SCMH1: variants seen among roughly 807,000 people sequenced by gnomAD.
The protein encoded by SCMH1 is polycomb protein SCMH1.
SCMH1 carries 37 observed loss-of-function variants against 70.8 expected under a neutral mutation model. The ratio of observed to expected loss-of-function variants is 0.52; its 90% CI spans 0.40 to 0.69. The LOEUF (loss-of-function observed/expected upper bound fraction) is 0.69. SCMH1 is among the 30% of genes least tolerant of loss of function. The probability of loss-of-function intolerance (pLI) is 0.00; values close to 1 mark genes in which losing one functional copy is unlikely to be tolerated. For synonymous variants in SCMH1, 292 were observed against 307.4 expected (o/e 0.95, Z 0.52); for missense variants, 607 against 827.3 (o/e 0.73, Z 3.27).
intron 6 of SCMH1, among the ~76,000 whole-genome samples, chr1:41,126,184 C>A (rs530848879): frequency 2.0e-5 from 3 of 152,178 alleles, no homozygotes; most frequent in South Asian, 4.2e-4. Flanking sequence ...ATGCCAAAAC[C>A]ACAAACATTA....
At chr1:41,085,357 T>C (rs1311264507) in intron 8 of SCMH1, among the ~76,000 whole-genome samples, 1 of 152,078 alleles carries the variant, frequency 6.6e-6, no homozygotes, top group Non-Finnish European at 1.5e-5. Context: ...ATATAAATAG[T>C]TTGCTATGTG....
At chr1:41,176,363 G>A (rs1265816211) in intron 2 of SCMH1, among the ~76,000 whole-genome samples, 1 of 152,160 alleles carries the variant, frequency 6.6e-6, no homozygotes, top group Non-Finnish European at 1.5e-5. Context: ...TCCAACTGAG[G>A]TACCGGGTTC....
chr1:41,045,484 C>T (rs546221639), intron 12 of SCMH1, among the ~76,000 whole-genome samples: 9 of 152,080 alleles, frequency 5.9e-5, no homozygotes, highest in Admixed American at 1.3e-4. Context: ...GTGCTTTTAT[C>T]GGAGGTGATT....
At chr1:41,048,454 G>A (rs1249960856) in intron 11 of SCMH1, among the ~76,000 whole-genome samples, 2 of 152,144 alleles carry the variant, frequency 1.3e-5, no homozygotes, top group Non-Finnish European at 2.9e-5. Context: ...TCAGGTAGAT[G>A]GGGGGAATCA....
In SCMH1 at chr1:41,156,136, C is replaced by T. The variant is rs1036661472; in HGVS notation, c.107-4452G>A. Among the ~76,000 whole-genome samples, 7 of 152,158 alleles carry T rather than the reference C, an allele frequency of 4.6e-5. No individual in the cohort carries two copies. In the East Asian group the frequency reaches 1.2e-3, roughly 25 times the overall value. On this transcript the variant is annotated intron_variant, in intron 4 of 14. Transcript: ENST00000337495. Reference sequence around the variant, plus strand: ...ACCGCTCTTTATAGTCAGCCAACATCTGCCTTCTAACCTCTACTGGTCCTA... The same window carrying T: ...ACCGCTCTTTATAGTCAGCCAACATTTGCCTTCTAACCTCTACTGGTCCTA...
intron 1 of SCMH1, among the ~76,000 whole-genome samples, chr1:41,214,331 G>T (rs1355557001): frequency 3.9e-5 from 6 of 151,992 alleles, no homozygotes; most frequent in African/African-American, 7.2e-5. Flanking sequence ...AATATACTTT[G>T]CAAAATATAA....
At chr1:41,039,301 G>A (rs904930499) in intron 12 of SCMH1, among the ~76,000 whole-genome samples, 4 of 152,134 alleles carry the variant, frequency 2.6e-5, no homozygotes, top group Admixed American at 6.5e-5. Flanking sequence ...ACACTGAGAC[G>A]TAGATTCTGA....
At chr1:41,133,944 T>A (rs1642819158) in intron 6 of SCMH1, among the ~76,000 whole-genome samples, 1 of 152,202 alleles carries the variant, frequency 6.6e-6, no homozygotes, top group Non-Finnish European at 1.5e-5. Flanking sequence ...GAGGCCAGCA[T>A]CACCCTTATA....
intron 6 of SCMH1, among the ~76,000 whole-genome samples, chr1:41,136,034 C>T (rs1172673974): frequency 6.6e-6 from 1 of 151,788 alleles, no homozygotes; most frequent in Non-Finnish European, 1.5e-5. Context: ...ATCTCCACAT[C>T]CCAGGCTCAA....
intron 8 of SCMH1, among the ~76,000 whole-genome samples, chr1:41,076,697 G>A (rs140850747): frequency 1.8e-4 from 28 of 152,326 alleles, no homozygotes; most frequent in Middle Eastern, 3.4e-3. Flanking sequence ...ATGAAGATGT[G>A]AGAGGGTATA....
chr1:41,061,463 C>A (rs1652617141), intron 10 of SCMH1, among the ~76,000 whole-genome samples: 1 of 151,970 alleles, frequency 6.6e-6, no homozygotes, highest in African/African-American at 2.4e-5. Context: ...GAGTTCAGAG[C>A]AAGGAAAATT....
At chr1:41,057,936 C>T (rs1010406592) in intron 10 of SCMH1, among the ~76,000 whole-genome samples, 3 of 151,894 alleles carry the variant, frequency 2.0e-5, no homozygotes, top group Admixed American at 6.6e-5. Context: ...GCCTGGGCAA[C>T]ATGGCAAAAC....
intron 5 of SCMH1, among the ~76,000 whole-genome samples, chr1:41,149,864 G>GT (rs1644907903): frequency 6.6e-6 from 1 of 152,156 alleles, no homozygotes; most frequent in Admixed American, 6.5e-5. Flanking sequence ...CTTTCAGATA[G>GT]TTTTTTCCTT....
chr1:41,066,923 T>A (rs1308430935), intron 10 of SCMH1, among the ~76,000 whole-genome samples: 2 of 152,176 alleles, frequency 1.3e-5, no homozygotes, highest in Non-Finnish European at 2.9e-5. Flanking sequence ...TTTGGTTTCT[T>A]GCAAAACAAA....
intron 12 of SCMH1, among the ~76,000 whole-genome samples, chr1:41,038,632 G>A (rs1201261369): frequency 1.3e-5 from 2 of 152,066 alleles, no homozygotes; most frequent in Non-Finnish European, 2.9e-5. Context: ...GTAAAATCTA[G>A]GATTAGACAG....
intron 2 of SCMH1, among the ~76,000 whole-genome samples, chr1:41,182,169 A>G (rs1261501956): frequency 6.6e-6 from 1 of 152,062 alleles, no homozygotes; most frequent in African/African-American, 2.4e-5. Context: ...TGGACACAGG[A>G]AGGGGAACAT....
chr1:41,101,183 G>A (rs1271498188), intron 8 of SCMH1, among the ~76,000 whole-genome samples: 1 of 152,150 alleles, frequency 6.6e-6, no homozygotes, highest in Non-Finnish European at 1.5e-5. Flanking sequence ...TAGATACTGG[G>A]GAAAGCATAT....
At chr1:41,095,732 C>A (rs978779673) in intron 8 of SCMH1, among the ~76,000 whole-genome samples, 1 of 152,274 alleles carries the variant, frequency 6.6e-6, no homozygotes, top group South Asian at 2.1e-4. Context: ...TAAAAATATT[C>A]TTTCTTTGAC....
At chr1:41,082,736 G>A (rs1660407598) in intron 8 of SCMH1, among the ~76,000 whole-genome samples, 1 of 152,120 alleles carries the variant, frequency 6.6e-6, no homozygotes, top group African/African-American at 2.4e-5. Flanking sequence ...TAAAATACTG[G>A]CAAACCGAAT....
Sources: gnomAD v4.1 joint callset for allele counts (sites outside exome capture counted in the v4.1 genomes callset) on GRCh38, gnomAD v4.1.1 for gene constraint, MANE v1.5 for transcripts, NCBI Gene and HGNC (gene_info 2026-07-23, HGNC 2026-07-21) for gene names.